Variants in MARCHF1 observed in about 807,000 individuals in gnomAD.
The protein encoded by MARCHF1 is membrane associated ring-CH-type finger 1.
In MARCHF1, 40 loss-of-function variants were observed where a neutral mutation model predicts 54.2. The observed-to-expected ratio is 0.74, with a 90% CI of 0.57 to 0.96. The LOEUF is 0.96. Among genes scored for constraint, MARCHF1 ranks in the 40% least tolerant of loss-of-function variants. The pLI, the probability that MARCHF1 is intolerant of heterozygous loss-of-function variation, is 0.00. For missense variants in MARCHF1, 586 were observed against 656.5 expected, an observed-to-expected ratio of 0.89 and a Z score of 1.17; for synonymous variants, 236 against 236.3, an observed-to-expected ratio of 1.00 and a Z score of 0.01.
chr4:164,000,549 TAAAAAG>T (rs1481239630), intron 2 of MARCHF1, among the ~76,000 whole-genome samples: 1 of 151,588 alleles, frequency 6.6e-6, no homozygotes, highest in Non-Finnish European at 1.5e-5. Flanking sequence ...TTAAGATACT[TAAAAAG>T]AATAAGCTGG....
chr4:163,713,446 A>G (rs1745167235), intron 4 of MARCHF1, among the ~76,000 whole-genome samples: 1 of 152,222 alleles, frequency 6.6e-6, no homozygotes, highest in Non-Finnish European at 1.5e-5. Flanking sequence ...CATCTGTAGA[A>G]TCATGATAAT....
At chr4:164,228,754 C>T (rs1159068419) in intron 1 of MARCHF1, among the ~76,000 whole-genome samples, 1 of 152,096 alleles carries the variant, frequency 6.6e-6, no homozygotes, top group Non-Finnish European at 1.5e-5. Context: ...CTCATGTGAA[C>T]AAATGGGTGA....
chr4:163,784,985 A>T (rs1335644635), intron 4 of MARCHF1, among the ~76,000 whole-genome samples: 1 of 152,126 alleles, frequency 6.6e-6, no homozygotes, highest in African/African-American at 2.4e-5. Context: ...TTTCTTGTAA[A>T]ACACTGCCTG....
At chr4:163,812,837 TG>T (rs2111017500) in intron 4 of MARCHF1, among the ~76,000 whole-genome samples, 1 of 151,038 alleles carries the variant, frequency 6.6e-6, no homozygotes, top group Admixed American at 6.6e-5. Flanking sequence ...TCAAAATTTT[TG>T]TTTGTTATTT....
chr4:163,674,498 A>G (rs552104843), intron 5 of MARCHF1, among the ~76,000 whole-genome samples: 3 of 152,174 alleles, frequency 2.0e-5, no homozygotes, highest in Non-Finnish European at 4.4e-5. Context: ...CTCTTTCTTA[A>G]AAGTGGAAGT....
intron 1 of MARCHF1, among the ~76,000 whole-genome samples, chr4:164,218,288 G>A (rs1731989422): frequency 6.6e-6 from 1 of 152,056 alleles, no homozygotes; most frequent in Non-Finnish European, 1.5e-5. Flanking sequence ...AAGAATTGTA[G>A]CGTTGAGTAT....
At chr4:163,581,091 C>T (rs1244779215) in intron 8 of MARCHF1, among the ~76,000 whole-genome samples, 1 of 41,922 alleles carries the variant, frequency 2.4e-5, no homozygotes. Flanking sequence ...CGTGAGCCAC[C>T]GCGCCCGGCC....
At chr4:164,142,557 G>C (rs1170256955) in intron 1 of MARCHF1, among the ~76,000 whole-genome samples, 1 of 152,122 alleles carries the variant, frequency 6.6e-6, no homozygotes, top group African/African-American at 2.4e-5. Flanking sequence ...CCCCAGCAGG[G>C]GCACACTGAC....
chr4:163,913,247 A>G (rs1331221816), intron 3 of MARCHF1, among the ~76,000 whole-genome samples: 2 of 152,154 alleles, frequency 1.3e-5, no homozygotes, highest in Non-Finnish European at 2.9e-5. Context: ...AATGTACTTG[A>G]ACACTGGTCT....
intron 1 of MARCHF1, among the ~76,000 whole-genome samples, chr4:164,284,349 A>AGG (rs1232660526): frequency 2.7e-5 from 4 of 150,344 alleles, no homozygotes; most frequent in Non-Finnish European, 5.9e-5. Context: ...AGAGAGAGAG[A>AGG]GAGAGAGAGA....
intron 5 of MARCHF1, among the ~76,000 whole-genome samples, chr4:163,695,210 T>G (rs536185115): frequency 1.3e-5 from 2 of 152,178 alleles, no homozygotes; most frequent in South Asian, 4.1e-4. Context: ...AGAAACACTT[T>G]CACCTTGACC....
At chr4:164,286,561 CA>C (rs1734151713) in intron 1 of MARCHF1, among the ~76,000 whole-genome samples, 1 of 151,562 alleles carries the variant, frequency 6.6e-6, no homozygotes, top group Admixed American at 6.6e-5. Context: ...CTTGGTACTA[CA>C]AAAACATGGG....
chr4:163,774,797 C>G (rs968161912), intron 4 of MARCHF1, among the ~76,000 whole-genome samples: 1 of 152,110 alleles, frequency 6.6e-6, no homozygotes, highest in Non-Finnish European at 1.5e-5. Context: ...CGCCCAGTCA[C>G]GTTAGGCATT....
intron 2 of MARCHF1, among the ~76,000 whole-genome samples, chr4:163,989,454 T>C (rs1752932807): frequency 6.6e-6 from 1 of 152,158 alleles, no homozygotes. Flanking sequence ...CATAGAGCTC[T>C]ATACTACTCA....
intron 1 of MARCHF1, among the ~76,000 whole-genome samples, chr4:164,256,748 T>G (rs759656976): frequency 6.6e-6 from 1 of 152,150 alleles, no homozygotes; most frequent in Non-Finnish European, 1.5e-5. Context: ...CTAGACCAAC[T>G]GCTATAAAAT....
intron 1 of MARCHF1, among the ~76,000 whole-genome samples, chr4:164,346,444 G>A (rs1486787303): frequency 6.6e-6 from 1 of 151,932 alleles, no homozygotes; most frequent in Non-Finnish European, 1.5e-5. Flanking sequence ...GAGTTGCACT[G>A]ATTGCATATA....
In MARCHF1 at chr4:164,259,422, T is replaced by C. The variant is rs1399178167; in HGVS notation, c.-323+124448A>G. On this transcript the variant is annotated intron_variant, in intron 1 of 9. Transcript: ENST00000514618. ...GCTGGGAGGTAGTGGTGTGCACCTG[T>C]AATCCCAGCTATCCAGGAGGCTGAG... 2.7e-5 allele frequency among the ~76,000 whole-genome samples: 4 copies of C among 150,930 alleles called. No homozygotes were observed. The East Asian group carries it at 7.8e-4, about 30-fold the overall frequency.
chr4:164,289,149 T>C (rs1734223452), intron 1 of MARCHF1, among the ~76,000 whole-genome samples: 1 of 152,036 alleles, frequency 6.6e-6, no homozygotes, highest in African/African-American at 2.4e-5. Context: ...ATATATATTT[T>C]CTGGCTGGGT....
chr4:164,141,584 C>A, intron 1 of MARCHF1, among the ~76,000 whole-genome samples: 1 of 152,222 alleles, frequency 6.6e-6, no homozygotes. Context: ...AGAAGACATT[C>A]ACCCCTACAA....
Sources: gnomAD v4.1 joint callset for allele counts (sites outside exome capture counted in the v4.1 genomes callset) on GRCh38, gnomAD v4.1.1 for gene constraint, MANE v1.5 for transcripts, NCBI Gene and HGNC (gene_info 2026-07-23, HGNC 2026-07-21) for gene names.